SCN11A: variants seen among roughly 807,000 people sequenced by gnomAD.
SCN11A encodes the protein sodium voltage-gated channel alpha subunit 11.
A neutral mutation model predicts 162.2 loss-of-function variants in SCN11A; 122 were observed. That is an observed-to-expected ratio of 0.75 (90% CI 0.65 to 0.87). SCN11A has a LOEUF of 0.87. SCN11A is among the 40% of genes least tolerant of loss of function. The pLI is 0.00. For synonymous variants in SCN11A, 758 were observed against 751.5 expected, an observed-to-expected ratio of 1.01 and a Z score of -0.14; for missense variants, 2,015 against 2,181.6, an observed-to-expected ratio of 0.92 and a Z score of 1.52.
At chr3:38,960,478 A>G (rs1361520303) in intron 2 of SCN11A, among the ~76,000 whole-genome samples, 55 bp from the exon 3 acceptor site, 1 of 152,232 alleles carries the variant, frequency 6.6e-6, no homozygotes, top group East Asian at 1.9e-4. Flanking sequence ...GTGATTTTAA[A>G]GAATTGTGTA....
At chr3:38,971,777 G>T (rs1329505449) in intron 2 of SCN11A, among the ~76,000 whole-genome samples, 1 of 152,104 alleles carries the variant, frequency 6.6e-6, no homozygotes, top group African/African-American at 2.4e-5. Flanking sequence ...GCTGGTTCAG[G>T]GCAAAGACTA....
intron 2 of SCN11A, among the ~76,000 whole-genome samples, chr3:38,975,895 G>C (rs2066846817): frequency 1.3e-5 from 2 of 152,100 alleles, no homozygotes; most frequent in South Asian, 4.1e-4. Context: ...TCTGGAGATT[G>C]ATCTCACAAA....
At chr3:38,961,053 G>A (rs2066736264) in intron 2 of SCN11A, among the ~76,000 whole-genome samples, 1 of 152,094 alleles carries the variant, frequency 6.6e-6, no homozygotes, top group African/African-American at 2.4e-5. Context: ...CACACCATAA[G>A]CTATTGTCAC....
chr3:39,041,305 C>T (rs867812892), intron 1 of SCN11A, among the ~76,000 whole-genome samples: 6 of 152,072 alleles, frequency 3.9e-5, no homozygotes, highest in Non-Finnish European at 8.8e-5. Flanking sequence ...ATCACTGAAA[C>T]CCTTCTAAGA....
chr3:38,847,409 T>C lies in SCN11A; in HGVS notation c.4661A>G (p.Asp1554Gly). The C allele has an allele frequency of 6.2e-7, 1 of 1,614,132 alleles. No individual in the cohort carries two copies. The highest frequency in any genetic ancestry group is 2.2e-5 in the East Asian group (1 of 44,878). ...LFQISTSAGW[D>G]SLLSPMLRSK... ...TCGCAGCATGGGGCTGAGCAGGGAATCCCAACCTGCTGATGTGCTTATCTG... is the reference window on the plus strand; with the variant it reads ...TCGCAGCATGGGGCTGAGCAGGGAACCCCAACCTGCTGATGTGCTTATCTG... Residue 1554 changes from aspartate (D) to glycine (G), a missense_variant, in exon 30 of 30, where the codon GAT becomes GGT. Physicochemically the swap from Asp to Gly is moderately conservative, Grantham distance 94 (BLOSUM62 -1). Transcript: ENST00000302328.
chr3:38,965,793 A>C (rs2066778206), intron 2 of SCN11A, among the ~76,000 whole-genome samples: 2 of 152,100 alleles, frequency 1.3e-5, no homozygotes, highest in Non-Finnish European at 2.9e-5. Flanking sequence ...TGTGTTCCAA[A>C]GAAAGGGAGG....
intron 1 of SCN11A, among the ~76,000 whole-genome samples, chr3:39,037,188 C>A (rs766674530): frequency 2.4e-4 from 37 of 152,252 alleles, no homozygotes; most frequent in Middle Eastern, 3.4e-3. Context: ...GTGGATGGAA[C>A]TGGAGGACGT....
chr3:38,869,776 G>A (rs928257799), intron 26 of SCN11A, among the ~76,000 whole-genome samples: 1 of 152,136 alleles, frequency 6.6e-6, no homozygotes, highest in Non-Finnish European at 1.5e-5. Context: ...ACATGCAAAG[G>A]TCATGCTTAA....
intron 2 of SCN11A, among the ~76,000 whole-genome samples, chr3:39,031,965 A>G (rs192029483): frequency 6.6e-6 from 1 of 152,368 alleles, no homozygotes; most frequent in African/African-American, 2.4e-5. Context: ...AAAACTTAGA[A>G]AAAGTACATT....
At chr3:38,957,263 A>G (rs2066692961) in intron 3 of SCN11A, among the ~76,000 whole-genome samples, 1 of 152,248 alleles carries the variant, frequency 6.6e-6, no homozygotes, top group African/African-American at 2.4e-5. Flanking sequence ...GACTGAGCAT[A>G]GGTGAAAGTG....
chr3:38,849,580 T>C (rs971986249), intron 29 of SCN11A: 3 of 152,244 alleles, frequency 2.0e-5, no homozygotes, highest in Non-Finnish European at 2.9e-5. Flanking sequence ...TTTGTCTTCA[T>C]TGTGTTTTGA....
At chr3:38,898,594 C>T (rs1048673600) in intron 17 of SCN11A, among the ~76,000 whole-genome samples, 1 of 152,156 alleles carries the variant, frequency 6.6e-6, no homozygotes, top group African/African-American at 2.4e-5. Flanking sequence ...GACTTGTATA[C>T]TTTTTCCACA....
At chr3:38,939,860 G>A (rs1479598466) in intron 7 of SCN11A, among the ~76,000 whole-genome samples, 25 of 150,578 alleles carry the variant, frequency 1.7e-4, no homozygotes, top group Admixed American at 5.3e-4. Context: ...CCAAAATCGC[G>A]CCATTGCACT....
intron 19 of SCN11A, among the ~76,000 whole-genome samples, chr3:38,890,106 A>G (rs1036099260): frequency 6.6e-6 from 1 of 152,144 alleles, no homozygotes; most frequent in Admixed American, 6.5e-5. Context: ...CCCTCCACTC[A>G]TAGGGCAGAG....
Position 38,935,623 on chromosome 3 carries a change from C to A in SCN11A, c.489-8692G>T, listed in dbSNP as rs138151078. ...CCCCTATGCAAATAAACTAGAAAAT[C>A]TAGAAGAAATGGATAAATTCCTCGA... On this transcript the variant is annotated intron_variant, in intron 7 of 29. Coordinates refer to ENST00000302328, the MANE Select transcript of SCN11A (RefSeq NM_001349253.2). 3.9e-5 allele frequency among the ~76,000 whole-genome samples: 6 copies of A among 152,326 alleles called. No individual in the cohort carries two copies. The East Asian group carries it at 1.2e-3, about 29-fold the overall frequency.
intron 11 of SCN11A, among the ~76,000 whole-genome samples, chr3:38,910,439 C>T (rs189607633): frequency 6.6e-6 from 1 of 152,176 alleles, no homozygotes; most frequent in African/African-American, 2.4e-5. Flanking sequence ...TACAGTGACA[C>T]GTGAACAATG....
chr3:38,948,647 G>C (rs543944166), intron 5 of SCN11A, among the ~76,000 whole-genome samples: 1 of 152,266 alleles, frequency 6.6e-6, no homozygotes, highest in Admixed American at 6.5e-5. Flanking sequence ...GACTGTTGAG[G>C]GCACTGGTCA....
intron 1 of SCN11A, among the ~76,000 whole-genome samples, chr3:39,042,070 A>C (rs1220761644): frequency 6.6e-6 from 1 of 152,080 alleles, no homozygotes; most frequent in Admixed American, 6.6e-5. Context: ...GGAGTTTGAG[A>C]CAAGCCTGGC....
chr3:38,847,565 A>G lies in SCN11A; in HGVS notation c.4505T>C (p.Leu1502Pro). 6.2e-7 allele frequency: 1 copy of G among 1,614,218 alleles called. No individual in the cohort carries two copies. The highest frequency in any genetic ancestry group is 8.5e-7 in the Non-Finnish European group (1 of 1,180,040). ...GATAAACATAATCAGAAAGAGTAGA[A>G]GACCAATGTTGAACAGAGAAGGAAG... ...MSLPSLFNIGLLLFLIMFIYA... is the reference protein window; with the variant it reads ...MSLPSLFNIGPLLFLIMFIYA... Residue 1502 changes from leucine (L) to proline (P), a missense_variant, in exon 30 of 30, where the codon CTT becomes CCT. Physicochemically the swap from Leu to Pro is moderately conservative, Grantham distance 98. Transcript: ENST00000302328.
Sources: allele counts gnomAD v4.1 joint callset (sites outside exome capture counted in the v4.1 genomes callset), GRCh38; gene constraint gnomAD v4.1.1; transcripts MANE v1.5; gene names NCBI Gene and HGNC (gene_info 2026-07-23, HGNC 2026-07-21).